The following METTL6 variants were observed in gnomAD, a reference collection of about 807,000 sequenced individuals.
METTL6 encodes methyltransferase 6, tRNA N3-cytidine, also known as tRNA N(3)-cytidine methyltransferase METTL6.
Under a neutral mutation model 26.4 loss-of-function variants are expected in METTL6, and 22 were observed. The observed-to-expected ratio is 0.83, with a 90% confidence interval of 0.59 to 1.19. The LOEUF (loss-of-function observed/expected upper bound fraction) is 1.19, where lower values mean the gene tolerates loss of function less well. Among genes scored for constraint, METTL6 ranks in the 50% most tolerant of loss-of-function variants. The pLI is 0.00. For missense variants in METTL6, 304 were observed against 324.8 expected, an observed-to-expected ratio of 0.94 and a Z score of 0.49; for synonymous variants, 109 against 116.2, an observed-to-expected ratio of 0.94 and a Z score of 0.40.
At chr3:15,386,623 G>A (rs891309451) in intron 6 of METTL6, among the ~76,000 whole-genome samples, 1 of 152,076 alleles carries the variant, frequency 6.6e-6, no homozygotes, top group African/African-American at 2.4e-5. Flanking sequence ...TACTGAAGTT[G>A]TACACATGCT....
chr3:15,396,847 G>A (rs113663806), intron 6 of METTL6, among the ~76,000 whole-genome samples: 70 of 152,172 alleles, frequency 4.6e-4, no homozygotes, highest in African/African-American at 1.3e-3. Flanking sequence ...TCCTCTGGGA[G>A]TTTTGTCTCA....
intron 3 of METTL6, among the ~76,000 whole-genome samples, chr3:15,420,108 C>T (rs560884987): frequency 1.2e-4 from 18 of 152,258 alleles, no homozygotes; most frequent in African/African-American, 4.1e-4. Context: ...GATCTGCCCA[C>T]CTCGGCCTCT....
intron 6 of METTL6, among the ~76,000 whole-genome samples, chr3:15,386,073 T>C (rs1180129100): frequency 2.6e-5 from 4 of 152,190 alleles, no homozygotes; most frequent in Admixed American, 6.5e-5. Flanking sequence ...AGTAAACTTA[T>C]GGTTATTTCT....
rs1471540528 is a variant in METTL6 at position 15,411,408 on chromosome 3, C to G, written c.703G>C (p.Gly235Arg). ...TACTCGTTTACCACTTCTTCATAACCTGTGTCCATAAAGAGCTGAGCCAGG... is the reference window on the plus strand; with the variant it reads ...TACTCGTTTACCACTTCTTCATAACGTGTGTCCATAAAGAGCTGAGCCAGG... ...DFLAQLFMDT[G>R]YEEVVNEYVF... Residue 235 changes from glycine to arginine, a missense_variant, in exon 6 of 6, where the codon GGT becomes CGT. By Grantham distance (125) the Gly-to-Arg change is moderately radical (BLOSUM62 -2). Coordinates refer to ENST00000383790, the MANE Select transcript of METTL6 (RefSeq NM_152396.4). The G allele has an allele frequency of 6.2e-7, 1 of 1,614,126 alleles. No individual in the cohort carries two copies.
At chr3:15,423,355 T>G (rs1454398390) in intron 3 of METTL6, among the ~76,000 whole-genome samples, 4 of 152,202 alleles carry the variant, frequency 2.6e-5, no homozygotes, top group African/African-American at 7.2e-5. Context: ...ATTGCACCAC[T>G]GCACTCCAGT....
rs775423616 is a variant in METTL6, at chr3:15,426,360, C to T, written c.152G>A (p.Arg51Lys). Reference protein sequence around the residue: ...AQKNWDLFYKRNSTNFFKDRH... With the variant: ...AQKNWDLFYKKNSTNFFKDRH... ...GTCTTTGAAGAAATTAGTGCTATTT[C>T]TTTTGTAAAAAAGATCCCAATTTTT... is the stretch of plus-strand genomic sequence containing the variant. The change falls in exon 2 of 6, where the codon AGA (arginine) becomes AAA (lysine). Residue 51 changes from arginine to lysine, a missense_variant. Arg to Lys is a conservative substitution (Grantham distance 26, BLOSUM62 2). Coordinates refer to ENST00000383790, the MANE Select transcript of METTL6 (RefSeq NM_152396.4). 3.7e-6 allele frequency: 6 copies of T among 1,614,190 alleles called. No homozygotes were observed. The highest frequency in any genetic ancestry group is 5.1e-6 in the Non-Finnish European group (6 of 1,180,022).
intron 6 of METTL6, among the ~76,000 whole-genome samples, chr3:15,402,563 CT>C (rs1451376160): frequency 6.6e-6 from 1 of 151,710 alleles, no homozygotes; most frequent in Non-Finnish European, 1.5e-5. Context: ...GTGAAACCCC[CT>C]CTCCACTAAA....
At chr3:15,395,901 G>T (rs1262242564) in intron 6 of METTL6, among the ~76,000 whole-genome samples, 2 of 152,166 alleles carry the variant, frequency 1.3e-5, no homozygotes, top group Admixed American at 6.6e-5. Flanking sequence ...TGAGTAATCC[G>T]ATCTTTCTCT....
chr3:15,409,123 C>T (rs1296682260), downstream of METTL6, among the ~76,000 whole-genome samples: 7 of 152,208 alleles, frequency 4.6e-5, no homozygotes, highest in Non-Finnish European at 7.3e-5. Context: ...AATCACAACA[C>T]CCAGCACGCA....
intron 6 of METTL6, among the ~76,000 whole-genome samples, chr3:15,394,603 T>C (rs1424047548): frequency 6.7e-6 from 1 of 149,898 alleles, no homozygotes; most frequent in East Asian, 2.0e-4. Context: ...GTGTCAATTT[T>C]AGATCTTTCC....
intron 6 of METTL6, among the ~76,000 whole-genome samples, chr3:15,394,814 G>A (rs576143335): frequency 2.2e-3 from 330 of 152,286 alleles, no homozygotes; most frequent in Admixed American, 4.2e-3. Context: ...GGTTTTGAGA[G>A]TGAGTTTCTT....
chr3:15,392,466 G>A (rs146179434), intron 6 of METTL6, among the ~76,000 whole-genome samples: 11,307 of 152,010 alleles, frequency 0.074, 528 homozygotes, highest in African/African-American at 0.12. Flanking sequence ...CTCTGATGGT[G>A]GTTTCTTTTG....
intron 6 of METTL6, among the ~76,000 whole-genome samples, chr3:15,400,027 C>T (rs1699597346): frequency 6.6e-6 from 1 of 152,150 alleles, no homozygotes; most frequent in East Asian, 1.9e-4. Flanking sequence ...CCCCCCTTAT[C>T]TGCCTAGAGA....
intron 5 of METTL6, 110 bp downstream of exon 5, chr3:15,413,911 T>A (rs924369822): frequency 1.3e-6 from 2 of 1,567,408 alleles, no homozygotes; most frequent in Admixed American, 3.7e-5. Flanking sequence ...TGTTTCAGGG[T>A]CTCGTGCACA....
chr3:15,388,144 CTT>C (rs756586509), intron 6 of METTL6, among the ~76,000 whole-genome samples: 4 of 151,682 alleles, frequency 2.6e-5, no homozygotes, highest in Admixed American at 6.6e-5. Flanking sequence ...GAGTTTCGCT[CTT>C]GTCGCCCAGG....
intron 6 of METTL6, among the ~76,000 whole-genome samples, chr3:15,404,292 A>AT (rs1699729696): frequency 1.3e-5 from 2 of 152,112 alleles, no homozygotes; most frequent in African/African-American, 4.8e-5. Flanking sequence ...ATTTAATGAA[A>AT]TACCACACAT....
At chr3:15,411,893 G>A (rs1164608733) in intron 5 of METTL6, among the ~76,000 whole-genome samples, 3 of 151,946 alleles carry the variant, frequency 2.0e-5, no homozygotes, top group Non-Finnish European at 4.4e-5. Context: ...CTCTTAAGTA[G>A]CTGGGACTAC....
chr3:15,399,339 T>C (rs1302853314), intron 6 of METTL6: 1 of 152,148 alleles, frequency 6.6e-6, no homozygotes, highest in Non-Finnish European at 1.5e-5. Context: ...ATTCTTTTAT[T>C]CCTTTACTTT....
chr3:15,399,644 TTAAA>T (rs1332687222), intron 6 of METTL6, among the ~76,000 whole-genome samples: 6 of 150,800 alleles, frequency 4.0e-5, no homozygotes, highest in Admixed American at 6.6e-5. Context: ...TAGGGAATCA[TTAAA>T]TAAATAGTTC....
Sources: gnomAD v4.1 joint callset for allele counts (sites outside exome capture counted in the v4.1 genomes callset) on GRCh38, gnomAD v4.1.1 for gene constraint, MANE v1.5 for transcripts, NCBI Gene and HGNC (gene_info 2026-07-23, HGNC 2026-07-21) for gene names.